Variants in PAM observed in about 807,000 individuals in gnomAD.
PAM encodes peptidylglycine alpha-amidating monooxygenase, also known as peptidyl-glycine alpha-amidating monooxygenase.
PAM carries 72 observed loss-of-function variants against 122.1 expected under a neutral mutation model. That is an observed-to-expected ratio of 0.59 (90% confidence interval 0.49 to 0.72). The LOEUF (loss-of-function observed/expected upper bound fraction) is 0.72. Among genes scored for constraint, PAM ranks in the 30% least tolerant of loss-of-function variants. The probability of loss-of-function intolerance (pLI) is 0.00; values close to 1 mark genes in which losing one functional copy is unlikely to be tolerated. For synonymous variants in PAM, 389 were observed against 404.4 expected (o/e 0.96, Z 0.46); for missense variants, 1,106 against 1,183.7 (o/e 0.93, Z 0.96).
chr5:102,908,645 C>T (rs1237935607), intron 4 of PAM, among the ~76,000 whole-genome samples: 1 of 151,002 alleles, frequency 6.6e-6, no homozygotes, highest in African/African-American at 2.4e-5. Flanking sequence ...TGCAGCGCAC[C>T]AGCATGGCAC....
intron 1 of PAM, among the ~76,000 whole-genome samples, chr5:102,778,919 CAG>C (rs1757877875): frequency 6.6e-6 from 1 of 152,064 alleles, no homozygotes; most frequent in Admixed American, 6.6e-5. Flanking sequence ...CCTTAATTCT[CAG>C]AGATCTACTA....
chr5:102,768,178 G>A lies in PAM; in HGVS notation c.-374+12830G>A, dbSNP rs529722001. Among the ~76,000 whole-genome samples, 9 of 152,038 alleles carry A rather than the reference G, an allele frequency of 5.9e-5. No homozygotes were observed. In the East Asian group the frequency reaches 1.7e-3, roughly 29 times the overall value. The stretch of plus-strand genomic sequence containing the variant: ...TCCACTCTGATTCATACCTAACCAT[G>A]TCTTTTAAAAATTTTTCTAAATTTT... On this transcript the variant is annotated intron_variant, in intron 1 of 25. Coordinates refer to ENST00000438793, the MANE Select transcript of PAM (RefSeq NM_001177306.2).
chr5:102,938,451 T>TA (rs1043080954), intron 7 of PAM, among the ~76,000 whole-genome samples: 102 of 152,280 alleles, frequency 6.7e-4, no homozygotes, highest in African/African-American at 2.4e-3. Flanking sequence ...CGTGGATTTT[T>TA]AAAAAAGTAA....
chr5:102,926,744 T>C, intron 7 of PAM, 76 bp downstream of exon 7: 5 of 763,444 alleles, frequency 6.5e-6, no homozygotes, highest in East Asian at 2.6e-5. Flanking sequence ...AACTATTATC[T>C]ACATCTTAAA....
At chr5:102,823,395 C>T (rs530568784) in intron 1 of PAM, among the ~76,000 whole-genome samples, 1 of 151,668 alleles carries the variant, frequency 6.6e-6, no homozygotes, top group African/African-American at 2.4e-5. Flanking sequence ...AATGGTAAAC[C>T]CCTACTTTAA....
chr5:102,942,852 TGA>T (rs1440334002), intron 7 of PAM, among the ~76,000 whole-genome samples: 1 of 151,964 alleles, frequency 6.6e-6, no homozygotes, highest in Non-Finnish European at 1.5e-5. Flanking sequence ...ATTATGGGCA[TGA>T]GCCATTATGC....
intron 1 of PAM, among the ~76,000 whole-genome samples, chr5:102,840,996 A>C (rs1561596767): frequency 6.6e-6 from 1 of 151,938 alleles, no homozygotes; most frequent in Non-Finnish European, 1.5e-5. Context: ...AATCTGATTT[A>C]ATTGTTGGAA....
At chr5:102,888,539 C>G (rs891441040) in intron 3 of PAM, among the ~76,000 whole-genome samples, 9 of 151,888 alleles carry the variant, frequency 5.9e-5, no homozygotes, top group African/African-American at 1.7e-4. Flanking sequence ...TTTATTCAGT[C>G]TACTCAATTT....
chr5:102,977,696 ACAC>A, intron 15 of PAM, among the ~76,000 whole-genome samples: 1 of 140,352 alleles, frequency 7.1e-6, no homozygotes, highest in East Asian at 2.2e-4. Flanking sequence ...ACACACACAC[ACAC>A]AAAATACAGC....
intron 21 of PAM, among the ~76,000 whole-genome samples, chr5:103,011,820 GT>G (rs76398439): frequency 0.25 from 37,945 of 151,858 alleles, 5,244 homozygotes; most frequent in East Asian, 0.44. Flanking sequence ...TCTACTTTTA[GT>G]TTTTTAAGGA....
chr5:102,855,041 C>T (rs566671273), intron 1 of PAM, among the ~76,000 whole-genome samples: 31 of 152,122 alleles, frequency 2.0e-4, no homozygotes, highest in African/African-American at 7.0e-4. Flanking sequence ...TTATTTTAGC[C>T]TCTCTGCCCT....
intron 6 of PAM, among the ~76,000 whole-genome samples, chr5:102,925,960 T>C (rs1252474786): frequency 6.6e-6 from 1 of 152,204 alleles, no homozygotes; most frequent in Non-Finnish European, 1.5e-5. Flanking sequence ...TTTTTGTAGA[T>C]ACCTCTTTTC....
chr5:102,799,299 C>G (rs1764111542), intron 1 of PAM, among the ~76,000 whole-genome samples: 1 of 152,164 alleles, frequency 6.6e-6, no homozygotes, highest in Non-Finnish European at 1.5e-5. Context: ...AACCAGAGAA[C>G]ATGCCAGACT....
At chr5:102,845,017 A>G (rs1779621344) in intron 1 of PAM, among the ~76,000 whole-genome samples, 1 of 152,260 alleles carries the variant, frequency 6.6e-6, no homozygotes, top group Non-Finnish European at 1.5e-5. Flanking sequence ...AGTGCTTCTC[A>G]AACATCACAA....
At position 103,028,992 on chromosome 5, in the gene PAM, AAG is replaced by A. The variant is rs764260533; in HGVS notation, c.2852_2853del (p.Glu951GlyfsTer2). On this transcript the variant is annotated frameshift_variant, in exon 26 of 26. Coordinates refer to ENST00000438793, the MANE Select transcript of PAM (RefSeq NM_001177306.2). LOFTEE classifies it high-confidence loss of function. ...AGCACTGAGGGCAGTGACCAAGAGA[AAG>A]AGGATGATGGAAGTGAATCAGAAGA... is the stretch of plus-strand genomic sequence containing the variant. 3.5e-5 allele frequency: 56 copies of A among 1,613,814 alleles called. No homozygotes were observed. In the Middle Eastern group the frequency reaches 2.0e-3, roughly 57 times the overall value.
intron 14 of PAM, among the ~76,000 whole-genome samples, chr5:102,971,191 A>G (rs762287871): frequency 6.6e-6 from 1 of 152,240 alleles, no homozygotes; most frequent in Admixed American, 6.5e-5. Context: ...TATAAACCAC[A>G]GGTTGAAGCA....
At chr5:102,972,969 C>T (rs1766371317) in intron 14 of PAM, among the ~76,000 whole-genome samples, 1 of 152,222 alleles carries the variant, frequency 6.6e-6, no homozygotes, top group Non-Finnish European at 1.5e-5. Flanking sequence ...TTCATCTCCC[C>T]TTGCACCACT....
rs1356372889 is a variant in PAM at position 103,007,483 on chromosome 5, G to A, written c.2041G>A (p.Gly681Ser). The A allele has an allele frequency of 5.6e-6, 9 of 1,613,818 alleles. No individual in the cohort carries two copies. The highest frequency in any genetic ancestry group is 1.6e-4 in the Middle Eastern group (1 of 6,080). The change falls in exon 20 of 26, where the codon GGC becomes AGC. Residue 681 changes from glycine (G) to serine (S), a missense_variant. By Grantham distance (56) the Gly-to-Ser change is moderately conservative. Transcript: ENST00000438793. The part of the protein sequence containing the change: ...EESSGSSPLP[G>S]QFTVPHSLAL... ...GTCTTCAGGGAGCAGTCCTCTGCCA[G>A]GCCAGTTCACTGTTCCTCACAGCTT...
At chr5:102,937,212 G>A (rs1283100790) in intron 7 of PAM, among the ~76,000 whole-genome samples, 2 of 152,058 alleles carry the variant, frequency 1.3e-5, no homozygotes, top group African/African-American at 2.4e-5. Flanking sequence ...ATATACAGGT[G>A]CAAAAATGTT....
Sources: gnomAD v4.1 joint callset for allele counts (sites outside exome capture counted in the v4.1 genomes callset) on GRCh38, gnomAD v4.1.1 for gene constraint, MANE v1.5 for transcripts, NCBI Gene and HGNC (gene_info 2026-07-23, HGNC 2026-07-21) for gene names.